The following NAALADL2 variants were observed in gnomAD, a reference collection of about 807,000 sequenced individuals.
The protein encoded by NAALADL2 is inactive N-acetylated-alpha-linked acidic dipeptidase-like protein 2.
NAALADL2 carries 76 observed loss-of-function variants against 87.2 expected under a neutral mutation model. That is an observed-to-expected ratio of 0.87 (90% CI 0.72 to 1.05). The LOEUF is 1.05. Among genes scored for constraint, NAALADL2 ranks in the 50% least tolerant of loss-of-function variants. The pLI is 0.00. For synonymous variants in NAALADL2, 354 were observed against 331.0 expected (o/e 1.07, Z -0.75); for missense variants, 1,089 against 945.8 (o/e 1.15, Z -1.99).
rs187341239 is a variant in NAALADL2, at chr3:175,451,267, T to G, written c.1234+3895T>G. ...TAAACAAAAGAATTAAATGCCTTCATGCATGAGATAGGCTCAGCAAATTGA... is the reference window on the plus strand; with the variant it reads ...TAAACAAAAGAATTAAATGCCTTCAGGCATGAGATAGGCTCAGCAAATTGA... On this transcript the variant is annotated intron_variant, in intron 6 of 13. Transcript: ENST00000454872. Among the ~76,000 whole-genome samples the G allele has an allele frequency of 3.1e-3, 477 of 152,196 alleles. 3 individuals are homozygous for G. Among genetic ancestry groups the G allele is most frequent in the African/African-American group, 0.011 (452 of 41,552 alleles).
In NAALADL2 at chr3:174,614,376, G is replaced by A. The variant is rs114182161; in HGVS notation, c.-115+63739G>A. Among the ~76,000 whole-genome samples the A allele has an allele frequency of 3.7e-3, 570 of 152,260 alleles. 1 individual carries two copies. Among genetic ancestry groups the A allele is most frequent in the African/African-American group, 0.013 (548 of 41,540 alleles). On this transcript the variant is annotated intron_variant, in intron 2 of 3. Transcript: ENST00000434257. ...GCAAGAACTGAAGTTCCAACCACTG[G>A]GATGGGTGATTCCCACCTGGGTAGG...
chr3:174,700,345 TA>T (rs1729437185), intron 2 of NAALADL2, among the ~76,000 whole-genome samples: 1 of 152,130 alleles, frequency 6.6e-6, no homozygotes, highest in African/African-American at 2.4e-5. Flanking sequence ...TCAATTTACT[TA>T]ATTTTATATT....
chr3:175,665,531 A>G (rs1448568756), intron 11 of NAALADL2, among the ~76,000 whole-genome samples: 2 of 152,188 alleles, frequency 1.3e-5, no homozygotes, highest in African/African-American at 2.4e-5. Flanking sequence ...ATCCATTTTC[A>G]TAGCCTCAAA....
At chr3:175,749,125 GGGAGGAGAAGGGAGC>G (rs1454453060) in intron 12 of NAALADL2, among the ~76,000 whole-genome samples, 2 of 135,970 alleles carry the variant, frequency 1.5e-5, no homozygotes, top group Non-Finnish European at 3.2e-5. Flanking sequence ...GGGAAGGGAG[GGGAGGAGAAGGGAGC>G]GGAGGGGAAG....
chr3:174,896,013 TA>T (rs1731483752), intron 1 of NAALADL2, among the ~76,000 whole-genome samples: 1 of 151,974 alleles, frequency 6.6e-6, no homozygotes, highest in African/African-American at 2.4e-5. Flanking sequence ...AAAAAAATCT[TA>T]AAAAACTGGG....
intron 10 of NAALADL2, among the ~76,000 whole-genome samples, chr3:175,611,767 T>C (rs1001925102): frequency 6.6e-5 from 10 of 152,168 alleles, no homozygotes; most frequent in African/African-American, 2.2e-4. Context: ...TTGGATAATT[T>C]GTTGAAGTGA....
chr3:174,948,978 C>A (rs1017982022), intron 1 of NAALADL2, among the ~76,000 whole-genome samples: 1 of 152,150 alleles, frequency 6.6e-6, no homozygotes, highest in Non-Finnish European at 1.5e-5. Flanking sequence ...GGCCCACTTC[C>A]TCATACACAG....
At chr3:175,022,033 T>C (rs1331020882) in intron 1 of NAALADL2, among the ~76,000 whole-genome samples, 1 of 151,986 alleles carries the variant, frequency 6.6e-6, no homozygotes, top group African/African-American at 2.4e-5. Flanking sequence ...GAGATCTGGT[T>C]GTTAAATAGA....
At chr3:174,705,782 CAAA>C (rs368457644) in intron 2 of NAALADL2, among the ~76,000 whole-genome samples, 3 of 114,504 alleles carry the variant, frequency 2.6e-5, no homozygotes, top group Admixed American at 9.2e-5. Flanking sequence ...GACTCCGTCT[CAAA>C]AAAAAAAAAA....
chr3:174,923,126 A>G, intron 1 of NAALADL2, among the ~76,000 whole-genome samples: 1 of 152,172 alleles, frequency 6.6e-6, no homozygotes, highest in East Asian at 1.9e-4. Flanking sequence ...TGAGCCTGAA[A>G]TGTCTTGTGG....
intron 9 of NAALADL2, among the ~76,000 whole-genome samples, chr3:175,493,085 G>T (rs1179828062): frequency 2.6e-5 from 4 of 151,844 alleles, no homozygotes; most frequent in Non-Finnish European, 5.9e-5. Context: ...AAATATGTAT[G>T]TATTTATACA....
chr3:175,591,753 A>C (rs1292914223), intron 10 of NAALADL2, among the ~76,000 whole-genome samples: 1 of 147,728 alleles, frequency 6.8e-6, no homozygotes, highest in Non-Finnish European at 1.5e-5. Flanking sequence ...ATATATATTT[A>C]TATATGCGCA....
rs1056301808 is a variant in NAALADL2, at chr3:174,715,092, C to A, written c.-114-22549C>A. Among the ~76,000 whole-genome samples the A allele has an allele frequency of 1.3e-5, 2 of 152,218 alleles. 1 individual carries two copies. The highest frequency in any genetic ancestry group is 1.3e-4 in the Admixed American group (2 of 15,290). On this transcript the variant is annotated intron_variant, in intron 2 of 3. Coordinates refer to the NAALADL2 transcript ENST00000434257. Reference sequence around the variant, plus strand: ...TTTTAAGGTAAAAAACTGGAAATGGCCCTTATTAGTCAATCGGCTTTTATA... The same window carrying A: ...TTTTAAGGTAAAAAACTGGAAATGGACCTTATTAGTCAATCGGCTTTTATA...
At chr3:174,465,331 G>A (rs374185211) in intron 1 of NAALADL2, among the ~76,000 whole-genome samples, 6 of 152,088 alleles carry the variant, frequency 3.9e-5, no homozygotes, top group African/African-American at 1.2e-4. Flanking sequence ...CTCCCAAGCC[G>A]GGACTGTTTT....
chr3:175,459,680 A>G (rs1358908816), intron 6 of NAALADL2, among the ~76,000 whole-genome samples: 1 of 152,106 alleles, frequency 6.6e-6, no homozygotes, highest in Non-Finnish European at 1.5e-5. Context: ...CTAGGAGGAG[A>G]CAATCTCTCT....
intron 1 of NAALADL2, among the ~76,000 whole-genome samples, chr3:174,975,528 C>A (rs934528000): frequency 2.0e-5 from 3 of 152,052 alleles, no homozygotes; most frequent in Admixed American, 1.3e-4. Flanking sequence ...TACTTTTGCA[C>A]CAACCTAAAA....
chr3:175,071,790 A>AG (rs1364400329), intron 1 of NAALADL2, among the ~76,000 whole-genome samples: 2 of 152,114 alleles, frequency 1.3e-5, no homozygotes, highest in East Asian at 3.9e-4. Flanking sequence ...GATATTAAAA[A>AG]AATTGTAGCA....
chr3:175,141,787 C>T (rs1440837399), intron 2 of NAALADL2, among the ~76,000 whole-genome samples: 5 of 152,068 alleles, frequency 3.3e-5, no homozygotes, highest in Non-Finnish European at 5.9e-5. Flanking sequence ...TGTTTAATGG[C>T]TTAATGTGTT....
chr3:175,462,280 T>G (rs557715665), intron 6 of NAALADL2, among the ~76,000 whole-genome samples: 2 of 152,168 alleles, frequency 1.3e-5, no homozygotes, highest in African/African-American at 4.8e-5. Context: ...CAAACGAAAA[T>G]GCATAGTACC....
Sources: gnomAD v4.1 joint callset for allele counts (sites outside exome capture counted in the v4.1 genomes callset) on GRCh38, gnomAD v4.1.1 for gene constraint, MANE v1.5 for transcripts, NCBI Gene and HGNC (gene_info 2026-07-23, HGNC 2026-07-21) for gene names.